The following ZMYM5 variants were observed in gnomAD, a reference collection of about 807,000 sequenced individuals.
ZMYM5 encodes zinc finger MYM-type protein 5.
Under a neutral mutation model 61.8 loss-of-function variants are expected in ZMYM5, and 41 were observed. The ratio of observed to expected loss-of-function variants is 0.66; its 90% CI spans 0.52 to 0.86. The LOEUF is 0.86. Among genes scored for constraint, ZMYM5 ranks in the 40% least tolerant of loss-of-function variants. ZMYM5 has a pLI of 0.00. For synonymous variants in ZMYM5, 257 were observed against 276.4 expected (o/e 0.93, Z 0.70); for missense variants, 706 against 786.7 (o/e 0.90, Z 1.23).
intron 4 of ZMYM5, chr13:19,843,283 A>T (rs1336612132): frequency 7.4e-6 from 1 of 135,628 alleles, no homozygotes; most frequent in Non-Finnish European, 1.5e-5. Flanking sequence ...ATGCCCAGCT[A>T]ATTTTTGTAT....
rs1890846639 is a variant in ZMYM5, at chr13:19,825,092, C to T, written c.1395G>A (p.Lys465=). ...CTACTGAAAGCTGTAGCTGTGAAGT[C>T]TTTTCCTTTTTTTCTGGGATTCCCT... is the stretch of plus-strand genomic sequence containing the variant. The part of the protein sequence containing the change: ...KIEGIPEKKE[K]TSQLQLSVEC... Residue 465 remains lysine, a synonymous_variant, in exon 8 of 8, where the codon AAG becomes AAA. Coordinates refer to ENST00000337963, the MANE Select transcript of ZMYM5 (RefSeq NM_001142684.2). 7.3e-7 allele frequency: 1 copy of T among 1,367,126 alleles called. No individual in the cohort carries two copies. Among genetic ancestry groups the T allele is most frequent in the African/African-American group, 1.5e-5 (1 of 67,692 alleles). 84.7% of individuals were successfully genotyped at this position (1,367,126 alleles called of 1,614,324 possible).
chr13:19,837,218 C>T (rs1952702462), intron 6 of ZMYM5, among the ~76,000 whole-genome samples: 1 of 151,936 alleles, frequency 6.6e-6, no homozygotes, highest in Admixed American at 6.6e-5. Context: ...TGGGTTTCAC[C>T]CTGTTGGCCA....
At position 19,851,631 on chromosome 13, in the gene ZMYM5, TA is replaced by T. The variant is rs1440732474; in HGVS notation, c.492+57del. 4.5e-6 allele frequency: 7 copies of T among 1,547,588 alleles called. No homozygotes were observed. The African/African-American group carries it at 8.3e-5, about 18-fold the overall frequency. ...GTTTCTAAGGTTGTAACATTAGTAA[TA>T]ATGTATTTCAGAGTCAATTCTGTAG... On this transcript the variant is annotated intron_variant, in intron 3 of 7. Coordinates refer to ENST00000337963, the MANE Select transcript of ZMYM5 (RefSeq NM_001142684.2).
intron 7 of ZMYM5, among the ~76,000 whole-genome samples, chr13:19,832,191 T>A (rs1344273524): frequency 6.6e-6 from 1 of 152,082 alleles, no homozygotes; most frequent in Non-Finnish European, 1.5e-5. Flanking sequence ...TTTTGGTGCC[T>A]ATTTAGTAGT....
rs942694255 is a variant in ZMYM5 at position 19,836,121 on chromosome 13, G to C, written c.1039-432C>G. On this transcript the variant is annotated intron_variant, in intron 6 of 7. Transcript: ENST00000337963. The stretch of plus-strand genomic sequence containing the variant: ...TTACAGGCATGAGCCACCATGCCTA[G>C]CTGGGAAAAGATTTTTAAAAAGCAT... 1.3e-4 allele frequency among the ~76,000 whole-genome samples: 20 copies of C among 152,190 alleles called. 1 individual carries two copies. Among genetic ancestry groups the C allele is most frequent in the African/African-American group, 4.6e-4 (19 of 41,438 alleles).
chr13:19,826,558 C>T (rs532412426), intron 7 of ZMYM5, among the ~76,000 whole-genome samples: 4 of 151,684 alleles, frequency 2.6e-5, no homozygotes, highest in South Asian at 2.1e-4. Flanking sequence ...AGTTCGAGAC[C>T]GGCCTAACCA....
At chr13:19,843,910 G>A (rs1952982661) in intron 4 of ZMYM5, among the ~76,000 whole-genome samples, 1 of 151,680 alleles carries the variant, frequency 6.6e-6, no homozygotes, top group Non-Finnish European at 1.5e-5. Flanking sequence ...TGAGGCAGGT[G>A]GATCACAAGG....
At chr13:19,845,162 A>G (rs55762038) in intron 4 of ZMYM5, among the ~76,000 whole-genome samples, 8,266 of 152,290 alleles carry the variant, frequency 0.054, 305 homozygotes, top group Middle Eastern at 0.12. Context: ...ACAGATAATT[A>G]TATTTAATAT....
rs912067614 is a variant in ZMYM5, at chr13:19,823,792, T to C, written c.*685A>G. On this transcript the variant is annotated 3_prime_UTR_variant, in exon 8 of 8. Coordinates refer to ENST00000337963, the MANE Select transcript of ZMYM5 (RefSeq NM_001142684.2). ...CATAAGTATCTTATTCAAACTGGTA[T>C]TGATCAATTCAAGCCTTTCTTTCCT... 6.6e-6 allele frequency: 1 copy of C among 152,196 alleles called. No homozygotes were observed. Among genetic ancestry groups the C allele is most frequent in the African/African-American group, 2.4e-5 (1 of 41,454 alleles). 9.4% of individuals were successfully genotyped at this position (152,196 alleles called of 1,614,324 possible).
chr13:19,825,777 A>G (rs568912457), intron 7 of ZMYM5, among the ~76,000 whole-genome samples: 1 of 152,222 alleles, frequency 6.6e-6, no homozygotes, highest in African/African-American at 2.4e-5. Flanking sequence ...GTGGTGACAC[A>G]TGCCTATAAT....
chr13:19,828,108 C>T (rs1382240174), intron 7 of ZMYM5, among the ~76,000 whole-genome samples: 2 of 150,892 alleles, frequency 1.3e-5, no homozygotes. Flanking sequence ...ATATGCAATG[C>T]AGTGAAAGAA....
At chr13:19,860,126 AG>A (rs1439072045) in intron 2 of ZMYM5, among the ~76,000 whole-genome samples, 1 of 131,910 alleles carries the variant, frequency 7.6e-6, no homozygotes, top group Non-Finnish European at 1.6e-5. Flanking sequence ...AAAAAAAAAG[AG>A]GAAAAAAAAA....
intron 2 of ZMYM5, among the ~76,000 whole-genome samples, chr13:19,859,463 C>T (rs959095528): frequency 2.7e-4 from 41 of 151,974 alleles, no homozygotes; most frequent in African/African-American, 9.2e-4. Flanking sequence ...AGTGCAGTGG[C>T]GCGATCTTGG....
intron 4 of ZMYM5, among the ~76,000 whole-genome samples, chr13:19,842,527 G>A (rs1449899994): frequency 1.3e-5 from 2 of 150,496 alleles, no homozygotes; most frequent in African/African-American, 2.4e-5. Context: ...CAAGTAAAAA[G>A]AAAATTTAAG....
chr13:19,838,239 G>C (rs1269340146), intron 5 of ZMYM5, among the ~76,000 whole-genome samples: 1 of 152,060 alleles, frequency 6.6e-6, no homozygotes, highest in South Asian at 2.1e-4. Flanking sequence ...TTAGCTGGGC[G>C]TGGTGGCGCG....
intron 2 of ZMYM5, among the ~76,000 whole-genome samples, chr13:19,853,383 G>A (rs1317896327): frequency 9.2e-5 from 14 of 152,088 alleles, no homozygotes; most frequent in Admixed American, 8.5e-4. Flanking sequence ...GAAGGCAAAA[G>A]TAAGTATAAT....
chr13:19,830,993 C>A (rs549299996), intron 7 of ZMYM5, among the ~76,000 whole-genome samples: 1 of 152,004 alleles, frequency 6.6e-6, no homozygotes, highest in South Asian at 2.1e-4. Flanking sequence ...GTGCCTGCCA[C>A]CACGCCCGGC....
At chr13:19,832,258 T>C (rs1166983286) in intron 7 of ZMYM5, among the ~76,000 whole-genome samples, 1 of 152,106 alleles carries the variant, frequency 6.6e-6, no homozygotes, top group Non-Finnish European at 1.5e-5. Context: ...AGCATTATGG[T>C]ATTTCTCTGA....
At chr13:19,825,442 C>G (rs556532670) in intron 7 of ZMYM5, among the ~76,000 whole-genome samples, 1 of 148,262 alleles carries the variant, frequency 6.7e-6, no homozygotes, top group Non-Finnish European at 1.5e-5. Context: ...GTCAGGAGTT[C>G]GAGAACAAGT....
Sources: gnomAD v4.1 joint callset for allele counts (sites outside exome capture counted in the v4.1 genomes callset) on GRCh38, gnomAD v4.1.1 for gene constraint, MANE v1.5 for transcripts, NCBI Gene and HGNC (gene_info 2026-07-23, HGNC 2026-07-21) for gene names.